RUNX1: variants seen among roughly 807,000 people sequenced by gnomAD.
RUNX1 encodes the protein RUNX family transcription factor 1, also known as runt-related transcription factor 1.
Under a neutral mutation model 42.8 loss-of-function variants are expected in RUNX1, and 19 were observed. The observed-to-expected ratio is 0.44, with a 90% CI of 0.31 to 0.65. The LOEUF is 0.65. RUNX1 is among the 30% of genes least tolerant of loss of function. The pLI is 0.07. For synonymous variants in RUNX1, 271 were observed against 289.4 expected, an observed-to-expected ratio of 0.94 and a Z score of 0.64; for missense variants, 528 against 672.0, an observed-to-expected ratio of 0.79 and a Z score of 2.37.
At chr21:34,920,761 C>T (rs1174933077) in intron 2 of RUNX1, among the ~76,000 whole-genome samples, 1 of 142,976 alleles carries the variant, frequency 7.0e-6, no homozygotes, top group Admixed American at 7.4e-5. Context: ...TGTGTAAATA[C>T]CAGGAGCTAA....
intron 2 of RUNX1, among the ~76,000 whole-genome samples, chr21:34,951,337 T>C (rs1032978426): frequency 2.6e-5 from 4 of 152,240 alleles, no homozygotes; most frequent in Non-Finnish European, 5.9e-5. Context: ...TAATTTCTTT[T>C]AAAAATATTA....
At chr21:34,890,659 C>G (rs1279538619) in intron 3 of RUNX1, among the ~76,000 whole-genome samples, 5 of 152,204 alleles carry the variant, frequency 3.3e-5, no homozygotes, top group Non-Finnish European at 7.3e-5. Context: ...CCTGGGGTCT[C>G]GGAAAGAAAA....
intron 2 of RUNX1, among the ~76,000 whole-genome samples, chr21:35,033,397 T>A (rs143934231): frequency 0.018 from 2,758 of 152,314 alleles, 42 homozygotes; most frequent in Middle Eastern, 0.037. Context: ...GAAGACATGG[T>A]CATCAGAGTG....
intron 8 of RUNX1, among the ~76,000 whole-genome samples, chr21:34,799,081 G>A (rs2056571067): frequency 6.6e-6 from 1 of 152,110 alleles, no homozygotes; most frequent in Admixed American, 6.5e-5. Context: ...GATGTCTAAG[G>A]AACCTACTTC....
intron 6 of RUNX1, among the ~76,000 whole-genome samples, chr21:34,837,532 T>G (rs959834141): frequency 3.3e-5 from 5 of 152,244 alleles, no homozygotes; most frequent in African/African-American, 4.8e-5. Flanking sequence ...ACTTTCAAGC[T>G]GGGGAAAATG....
intron 2 of RUNX1, among the ~76,000 whole-genome samples, chr21:34,928,971 G>T (rs987017430): frequency 1.5e-4 from 22 of 146,246 alleles, no homozygotes; most frequent in Non-Finnish European, 2.2e-4. Flanking sequence ...TGGGGGGGGG[G>T]GTAGATTTCA....
rs1477512969 is a variant in RUNX1, at chr21:34,789,710, C to T, written c.*2425G>A. The T allele has an allele frequency of 8.6e-6, 2 of 232,962 alleles. 1 individual carries two copies. Among genetic ancestry groups the T allele is most frequent in the East Asian group, 1.2e-4 (2 of 16,582 alleles). The allele number at this position is 232,962 out of a possible 1,614,324, so 14.4% of individuals were successfully genotyped here. On this transcript the variant is annotated 3_prime_UTR_variant, in exon 9 of 9. Transcript: ENST00000675419. ...AAATACTATATATGCTGGTAAGAGT[C>T]TGTGAAACTCTAAATGACCAATCCA...
intron 2 of RUNX1, among the ~76,000 whole-genome samples, chr21:35,007,537 C>A (rs1445091132): frequency 6.6e-6 from 1 of 152,160 alleles, no homozygotes; most frequent in East Asian, 1.9e-4. Flanking sequence ...CATGTGCCAC[C>A]ACTTCCCCTT....
chr21:34,980,195 T>C (rs1473346867), intron 2 of RUNX1, among the ~76,000 whole-genome samples: 1 of 152,236 alleles, frequency 6.6e-6, no homozygotes, highest in Non-Finnish European at 1.5e-5. Flanking sequence ...AGTCTCTTCA[T>C]ATAAACAGTG....
chr21:34,897,608 A>G (rs2058140886), intron 2 of RUNX1, among the ~76,000 whole-genome samples: 1 of 152,188 alleles, frequency 6.6e-6, no homozygotes, highest in South Asian at 2.1e-4. Flanking sequence ...GGGGCGGGTG[A>G]GAGGAAGTGG....
chr21:34,849,566 G>T (rs1019816471), intron 6 of RUNX1, among the ~76,000 whole-genome samples: 15 of 136,246 alleles, frequency 1.1e-4, no homozygotes, highest in African/African-American at 3.3e-4. Context: ...TTTTACCAGT[G>T]ACACGGCATA....
rs1373189155 is a variant in RUNX1 at position 35,046,534 on chromosome 21, C to A, written c.58+2308G>T. Among the ~76,000 whole-genome samples the A allele has an allele frequency of 3.9e-5, 6 of 152,176 alleles. No homozygotes were observed. The East Asian group carries it at 1.2e-3, about 29-fold the overall frequency. ...ACTGCGAGTGGCCCAGCTATGGCAA[C>A]AGGCTGAGAACTCTGGGGGAGAGCC... On this transcript the variant is annotated intron_variant, in intron 2 of 8. Coordinates refer to ENST00000675419, the MANE Select transcript of RUNX1 (RefSeq NM_001754.5).
intron 2 of RUNX1, among the ~76,000 whole-genome samples, chr21:34,978,142 G>A (rs1292106698): frequency 6.6e-6 from 1 of 152,138 alleles, no homozygotes; most frequent in African/African-American, 2.4e-5. Context: ...GTTTCACCGT[G>A]TTAGCCAGGA....
intron 2 of RUNX1, among the ~76,000 whole-genome samples, chr21:34,967,998 A>C (rs1180458374): frequency 6.6e-6 from 1 of 152,070 alleles, no homozygotes; most frequent in Non-Finnish European, 1.5e-5. Context: ...GTCTGAGAAA[A>C]ACACTGATTG....
chr21:34,826,040 T>C (rs73362053), intron 7 of RUNX1, among the ~76,000 whole-genome samples: 1 of 152,308 alleles, frequency 6.6e-6, no homozygotes, highest in African/African-American at 2.4e-5. Flanking sequence ...AGAGAATACA[T>C]TTCTGTTGTT....
At chr21:35,007,478 C>T (rs1180639105) in intron 2 of RUNX1, among the ~76,000 whole-genome samples, 1 of 152,192 alleles carries the variant, frequency 6.6e-6, no homozygotes, top group Non-Finnish European at 1.5e-5. Flanking sequence ...CTCTAGGTGA[C>T]CCGCCGTCCT....
chr21:34,957,022 T>C (rs1018749848), intron 2 of RUNX1, among the ~76,000 whole-genome samples: 19 of 152,202 alleles, frequency 1.2e-4, no homozygotes, highest in African/African-American at 4.6e-4. Context: ...GGCACCCACA[T>C]TGTTCTTTTT....
At chr21:34,842,733 G>C (rs1328342203) in intron 6 of RUNX1, among the ~76,000 whole-genome samples, 1 of 151,354 alleles carries the variant, frequency 6.6e-6, no homozygotes, top group East Asian at 2.0e-4. Context: ...ATACAGACAT[G>C]CATGGACAAA....
At chr21:34,830,519 C>T (rs956559922) in intron 7 of RUNX1, among the ~76,000 whole-genome samples, 3 of 152,150 alleles carry the variant, frequency 2.0e-5, no homozygotes, top group Non-Finnish European at 4.4e-5. Flanking sequence ...CTTTTTCCAT[C>T]CCTCCTTTGG....
Sources: gnomAD v4.1 joint callset for allele counts (sites outside exome capture counted in the v4.1 genomes callset) on GRCh38, gnomAD v4.1.1 for gene constraint, MANE v1.5 for transcripts, NCBI Gene and HGNC (gene_info 2026-07-23, HGNC 2026-07-21) for gene names.